SPIDR: variants seen among roughly 807,000 people sequenced by gnomAD.
The protein encoded by SPIDR is DNA repair-scaffolding protein.
A neutral mutation model predicts 104.6 loss-of-function variants in SPIDR; 93 were observed. The observed-to-expected ratio is 0.89, with a 90% CI of 0.75 to 1.06. The LOEUF is 1.06. Ranked by LOEUF, SPIDR falls within the 50% of genes least tolerant of loss-of-function variation. The probability of loss-of-function intolerance (pLI) is 0.00; values close to 1 mark genes in which losing one functional copy is unlikely to be tolerated. For missense variants in SPIDR, 1,154 were observed against 1,111.2 expected, an observed-to-expected ratio of 1.04 and a Z score of -0.55; for synonymous variants, 431 against 416.9, an observed-to-expected ratio of 1.03 and a Z score of -0.41.
In SPIDR at chr8:47,463,020, A is replaced by G. The variant is rs555349502; in HGVS notation, c.1097+22478A>G. ...GAACTGACTCATGAAGAAATAAAAAATCTGAATAGACCTATAACTGGTAAG... is the reference window on the plus strand; with the variant it reads ...GAACTGACTCATGAAGAAATAAAAAGTCTGAATAGACCTATAACTGGTAAG... On this transcript the variant is annotated intron_variant, in intron 8 of 19. Transcript: ENST00000297423. Among the ~76,000 whole-genome samples the G allele has an allele frequency of 2.0e-5, 3 of 152,288 alleles. No individual in the cohort carries two copies. In the East Asian group the frequency reaches 5.8e-4, roughly 29 times the overall value.
intron 8 of SPIDR, among the ~76,000 whole-genome samples, chr8:47,545,714 C>T (rs1055801371): frequency 3.3e-5 from 5 of 152,052 alleles, no homozygotes; most frequent in Admixed American, 2.6e-4. Context: ...TGTTCCTAAT[C>T]TTAGAGGAAA....
intron 5 of SPIDR, among the ~76,000 whole-genome samples, chr8:47,376,796 A>AT (rs1301491743): frequency 1.8e-4 from 28 of 151,896 alleles, no homozygotes; most frequent in Non-Finnish European, 3.2e-4. Flanking sequence ...AAAAAAAAAA[A>AT]TTTTTTTTAA....
intron 1 of SPIDR, among the ~76,000 whole-genome samples, chr8:47,273,399 A>G (rs1481423659): frequency 1.3e-5 from 2 of 152,176 alleles, no homozygotes; most frequent in Non-Finnish European, 2.9e-5. Flanking sequence ...CATGGACATT[A>G]TAAAGGAATT....
At chr8:47,495,058 G>C (rs1283212087) in intron 8 of SPIDR, among the ~76,000 whole-genome samples, 1 of 152,044 alleles carries the variant, frequency 6.6e-6, no homozygotes, top group Non-Finnish European at 1.5e-5. Context: ...CAGTATTTTT[G>C]TAAAGTTACT....
chr8:47,553,270 G>C (rs936095389), intron 8 of SPIDR, among the ~76,000 whole-genome samples: 1 of 152,152 alleles, frequency 6.6e-6, no homozygotes, highest in Non-Finnish European at 1.5e-5. Flanking sequence ...GAGTGTCTTT[G>C]TGGCATTCTC....
intron 10 of SPIDR, among the ~76,000 whole-genome samples, chr8:47,600,767 T>C (rs2062177261): frequency 6.6e-6 from 1 of 152,156 alleles, no homozygotes; most frequent in South Asian, 2.1e-4. Flanking sequence ...GTGTTAGGTT[T>C]TGAAGAAGGG....
chr8:47,475,757 A>G (rs2076214990), intron 8 of SPIDR, among the ~76,000 whole-genome samples: 1 of 152,240 alleles, frequency 6.6e-6, no homozygotes, highest in Non-Finnish European at 1.5e-5. Context: ...TGATCCAAAA[A>G]GATAAGAAGT....
At chr8:47,541,216 A>AT (rs1171816070) in intron 8 of SPIDR, among the ~76,000 whole-genome samples, 4 of 152,218 alleles carry the variant, frequency 2.6e-5, no homozygotes, top group African/African-American at 9.6e-5. Flanking sequence ...AATTATTTAC[A>AT]TGAATTATCT....
At chr8:47,681,303 A>G (rs1210308029) in intron 11 of SPIDR, among the ~76,000 whole-genome samples, 1 of 152,116 alleles carries the variant, frequency 6.6e-6, no homozygotes, top group Non-Finnish European at 1.5e-5. Context: ...TTGGGCCAAT[A>G]TTTAACTATT....
At chr8:47,465,452 G>A (rs1008631512) in intron 8 of SPIDR, among the ~76,000 whole-genome samples, 3 of 152,156 alleles carry the variant, frequency 2.0e-5, no homozygotes, top group African/African-American at 4.8e-5. Context: ...CCCAATAGAC[G>A]GCTGGGCACG....
chr8:47,343,647 G>T (rs1252481413), intron 5 of SPIDR, among the ~76,000 whole-genome samples: 1 of 152,174 alleles, frequency 6.6e-6, no homozygotes, highest in Non-Finnish European at 1.5e-5. Context: ...AAAGCAGCGT[G>T]ACATGGGTTT....
intron 11 of SPIDR, among the ~76,000 whole-genome samples, chr8:47,690,303 G>A (rs763629232): frequency 3.9e-5 from 6 of 152,026 alleles, no homozygotes; most frequent in South Asian, 2.1e-4. Flanking sequence ...GTGCACGTGC[G>A]CCTGTGTGTG....
intron 8 of SPIDR, among the ~76,000 whole-genome samples, chr8:47,503,797 G>A (rs2080981996): frequency 2.0e-5 from 3 of 152,090 alleles, no homozygotes; most frequent in South Asian, 4.2e-4. Context: ...CATGTTTAGT[G>A]CTTCCTTCAG....
intron 16 of SPIDR, among the ~76,000 whole-genome samples, chr8:47,722,756 T>C (rs1326509577): frequency 6.6e-6 from 1 of 152,324 alleles, no homozygotes; most frequent in East Asian, 1.9e-4. Context: ...CAGAAATGTT[T>C]TGGATTTTTT....
rs376835277 is a variant in SPIDR, at chr8:47,361,857, C to T, written c.526-34519C>T. Among the ~76,000 whole-genome samples, 31 of 152,308 alleles carry T rather than the reference C, an allele frequency of 2.0e-4. 1 individual carries two copies. Among genetic ancestry groups the T allele is most frequent in the African/African-American group, 7.2e-4 (30 of 41,564 alleles). ...GTTGGCTCCATATGGTTTGAGAGAA[C>T]AGGCCCTTCATGATGAAAGTTAGGG... On this transcript the variant is annotated intron_variant, in intron 5 of 19. Coordinates refer to ENST00000297423, the MANE Select transcript of SPIDR (RefSeq NM_001080394.4).
intron 8 of SPIDR, among the ~76,000 whole-genome samples, chr8:47,486,182 C>T (rs782512236): frequency 4.3e-4 from 66 of 152,226 alleles, no homozygotes; most frequent in Middle Eastern, 3.4e-3. Flanking sequence ...CTGAAAACCA[C>T]GGCACAAGAA....
intron 8 of SPIDR, chr8:47,527,536 C>CA (rs1336058388): frequency 6.6e-6 from 1 of 152,204 alleles, no homozygotes; most frequent in Non-Finnish European, 1.5e-5. Context: ...TAGAGAAACT[C>CA]AAAGATAACA....
chr8:47,665,142 G>T (rs2074730266), intron 10 of SPIDR, among the ~76,000 whole-genome samples: 1 of 152,100 alleles, frequency 6.6e-6, no homozygotes, highest in South Asian at 2.1e-4. Flanking sequence ...ACACCTCAAA[G>T]TCAAAATGTG....
chr8:47,417,766 G>T (rs1207311217), intron 7 of SPIDR, among the ~76,000 whole-genome samples: 2,152 of 152,196 alleles, frequency 0.014, 30 homozygotes, highest in Admixed American at 0.022. Context: ...GGTCTAACAT[G>T]TAAGTCTTTA....
Sources: gnomAD v4.1 joint callset for allele counts (sites outside exome capture counted in the v4.1 genomes callset) on GRCh38, gnomAD v4.1.1 for gene constraint, MANE v1.5 for transcripts, NCBI Gene and HGNC (gene_info 2026-07-23, HGNC 2026-07-21) for gene names.